EEFSEC: variants seen among roughly 807,000 people sequenced by gnomAD.
The protein encoded by EEFSEC is eukaryotic elongation factor, selenocysteine-tRNA specific.
Under a neutral mutation model 42.1 loss-of-function variants are expected in EEFSEC, and 43 were observed. The observed-to-expected ratio is 1.02, with a 90% CI of 0.80 to 1.32. The LOEUF (loss-of-function observed/expected upper bound fraction) is 1.32. EEFSEC is among the 40% of genes most tolerant of loss of function. The pLI is 0.00. For missense variants in EEFSEC, 745 were observed against 803.6 expected, an observed-to-expected ratio of 0.93 and a Z score of 0.88; for synonymous variants, 354 against 339.1, an observed-to-expected ratio of 1.04 and a Z score of -0.48.
At chr3:128,304,508 C>T (rs1253951829) in intron 4 of EEFSEC, among the ~76,000 whole-genome samples, 1 of 151,990 alleles carries the variant, frequency 6.6e-6, no homozygotes, top group Non-Finnish European at 1.5e-5. Flanking sequence ...AAACAGACTT[C>T]GGTATTGTTT....
At chr3:128,280,852 T>G (rs975597697) in intron 4 of EEFSEC, among the ~76,000 whole-genome samples, 3 of 152,150 alleles carry the variant, frequency 2.0e-5, no homozygotes, top group African/African-American at 7.2e-5. Flanking sequence ...CAGCCCTTTT[T>G]CTCCTACTCA....
intron 4 of EEFSEC, among the ~76,000 whole-genome samples, chr3:128,321,357 G>A (rs1279078221): frequency 6.6e-6 from 1 of 152,180 alleles, no homozygotes; most frequent in East Asian, 1.9e-4. Flanking sequence ...TGCCCCAGCT[G>A]CTGCCAAGTT....
intron 5 of EEFSEC, among the ~76,000 whole-genome samples, chr3:128,354,627 T>C (rs968469082): frequency 1.3e-5 from 2 of 152,218 alleles, no homozygotes; most frequent in Admixed American, 1.3e-4. Context: ...CTGTCTGGCA[T>C]GAAAGCCCTG....
intron 1 of EEFSEC, among the ~76,000 whole-genome samples, chr3:128,204,251 T>C (rs1282589880): frequency 1.3e-5 from 2 of 152,222 alleles, no homozygotes; most frequent in Non-Finnish European, 2.9e-5. Context: ...CAGCTTCTTA[T>C]CTGTAAAATA....
At chr3:128,412,944 T>A (rs935118386), downstream of EEFSEC, among the ~76,000 whole-genome samples, 2 of 152,090 alleles carry the variant, frequency 1.3e-5, no homozygotes, top group Non-Finnish European at 2.9e-5. Flanking sequence ...GGCTGTCTGC[T>A]GGGTGTGGGA....
intron 5 of EEFSEC, among the ~76,000 whole-genome samples, chr3:128,355,372 TG>T (rs1031364167): frequency 3.3e-5 from 5 of 151,868 alleles, no homozygotes; most frequent in Middle Eastern, 6.8e-3. Context: ...GGGCCTTGGG[TG>T]GGGGTAGAGT....
chr3:128,424,745 A>G, the EEFSEC span, among the ~76,000 whole-genome samples: 1 of 152,154 alleles, frequency 6.6e-6, no homozygotes, highest in African/African-American at 2.4e-5. Context: ...AGTATAATAC[A>G]GTGAACCCCA....
At chr3:128,398,374 G>T (rs2068008390) in intron 6 of EEFSEC, among the ~76,000 whole-genome samples, 1 of 152,186 alleles carries the variant, frequency 6.6e-6, no homozygotes, top group South Asian at 2.1e-4. Context: ...GTGCTGAGAT[G>T]GAAGAGGAAT....
At chr3:128,163,815 C>T (rs13077790) in intron 1 of EEFSEC, among the ~76,000 whole-genome samples, 21,286 of 151,844 alleles carry the variant, frequency 0.14, 1,690 homozygotes, top group African/African-American at 0.21. Context: ...TTTTGTCTGG[C>T]GACTTTTGCT....
the EEFSEC span, among the ~76,000 whole-genome samples, chr3:128,419,040 A>C: frequency 6.6e-6 from 1 of 152,220 alleles, no homozygotes; most frequent in African/African-American, 2.4e-5. Flanking sequence ...AACTGGTAAA[A>C]ATTTTTAAAG....
chr3:128,274,100 C>A (rs192919374), intron 4 of EEFSEC, among the ~76,000 whole-genome samples: 1 of 152,340 alleles, frequency 6.6e-6, no homozygotes, highest in Admixed American at 6.5e-5. Context: ...CCTGCTCACC[C>A]CAAAGCCTGA....
intron 4 of EEFSEC, among the ~76,000 whole-genome samples, chr3:128,294,768 C>T (rs1239373918): frequency 6.6e-6 from 1 of 152,198 alleles, no homozygotes; most frequent in East Asian, 1.9e-4. Flanking sequence ...GAGGAAACAG[C>T]ATATGCAAGG....
chr3:128,182,963 A>G (rs1444157606), intron 1 of EEFSEC, among the ~76,000 whole-genome samples: 2 of 151,736 alleles, frequency 1.3e-5, no homozygotes, highest in African/African-American at 4.9e-5. Flanking sequence ...CTTTCTTTTC[A>G]ATTTACCCTC....
chr3:128,213,894 C>G (rs1559871423), intron 1 of EEFSEC, among the ~76,000 whole-genome samples: 1 of 151,990 alleles, frequency 6.6e-6, no homozygotes, highest in Non-Finnish European at 1.5e-5. Context: ...GTCAAAGTCA[C>G]AAAAGAACTA....
chr3:128,359,859 G>A (rs13092889), intron 6 of EEFSEC, among the ~76,000 whole-genome samples: 3 of 152,310 alleles, frequency 2.0e-5, no homozygotes, highest in African/African-American at 7.2e-5. Flanking sequence ...CCTGGCTCCA[G>A]CTGGAAAACA....
intron 6 of EEFSEC, among the ~76,000 whole-genome samples, chr3:128,404,923 C>G (rs1282111904): frequency 6.6e-6 from 1 of 152,176 alleles, no homozygotes; most frequent in Non-Finnish European, 1.5e-5. Flanking sequence ...AATCTCACTT[C>G]CGCCTGCCAG....
chr3:128,156,251 G>T (rs1033557017), intron 1 of EEFSEC, among the ~76,000 whole-genome samples: 2 of 152,202 alleles, frequency 1.3e-5, no homozygotes, highest in African/African-American at 4.8e-5. Flanking sequence ...TTATTGGCTT[G>T]ACTTTTCTTG....
intron 4 of EEFSEC, among the ~76,000 whole-genome samples, chr3:128,272,615 G>T (rs1318121577): frequency 6.6e-6 from 1 of 152,214 alleles, no homozygotes; most frequent in Non-Finnish European, 1.5e-5. Context: ...AGGGCTATCT[G>T]TTACTTTTGG....
At chr3:128,315,267 G>C (rs2066932155) in intron 4 of EEFSEC, among the ~76,000 whole-genome samples, 1 of 152,150 alleles carries the variant, frequency 6.6e-6, no homozygotes, top group Non-Finnish European at 1.5e-5. Flanking sequence ...TTAGGCCCAG[G>C]GTGAGGTATG....
Sources: allele counts gnomAD v4.1 joint callset (sites outside exome capture counted in the v4.1 genomes callset), GRCh38; gene constraint gnomAD v4.1.1; transcripts MANE v1.5; gene names NCBI Gene and HGNC (gene_info 2026-07-23, HGNC 2026-07-21).